The following ADGRL3 variants were observed in gnomAD, a reference collection of about 807,000 sequenced individuals.
ADGRL3 encodes adhesion G protein-coupled receptor L3.
A neutral mutation model predicts 153.5 loss-of-function variants in ADGRL3; 62 were observed. That is an observed-to-expected ratio of 0.40 (90% CI 0.33 to 0.50). ADGRL3 has a LOEUF of 0.50. ADGRL3 is among the 20% of genes least tolerant of loss of function. The probability of loss-of-function intolerance (pLI) is 0.47; values close to 1 mark genes in which losing one functional copy is unlikely to be tolerated. For missense variants in ADGRL3, 1,641 were observed against 1,859.4 expected (o/e 0.88, Z 2.16); for synonymous variants, 710 against 672.5 (o/e 1.06, Z -0.86).
intron 7 of ADGRL3, among the ~76,000 whole-genome samples, chr4:61,732,419 G>T (rs1246156636): frequency 1.3e-5 from 2 of 151,964 alleles, no homozygotes; most frequent in African/African-American, 2.4e-5. Flanking sequence ...GTAAACATTT[G>T]TATTTCTTAT....
chr4:61,489,033 A>C (rs2098228485), intron 2 of ADGRL3, among the ~76,000 whole-genome samples: 1 of 152,056 alleles, frequency 6.6e-6, no homozygotes, highest in Non-Finnish European at 1.5e-5. Context: ...ACTTTTAAAT[A>C]TAAATCCTTC....
In ADGRL3 at chr4:61,404,066, T is replaced by C. The variant is rs79995303; in HGVS notation, c.-174+20877T>C. On this transcript the variant is annotated intron_variant, in intron 2 of 26. Transcript: ENST00000683033. ...AGGGGATACCATTCAGTCTATAATATCTGTACTGTGCCAGGCTCTATGCTA... is the reference window on the plus strand; with the variant it reads ...AGGGGATACCATTCAGTCTATAATACCTGTACTGTGCCAGGCTCTATGCTA... Among the ~76,000 whole-genome samples the C allele has an allele frequency of 8.7e-3, 1,323 of 152,200 alleles. 18 individuals carry two copies. Among genetic ancestry groups the C allele is most frequent in the African/African-American group, 0.03 (1,245 of 41,552 alleles).
At position 62,071,086 on chromosome 4, in the gene ADGRL3, G is replaced by A; in HGVS notation, c.*178G>A. 1.8e-6 allele frequency: 1 copy of A among 551,272 alleles called. No homozygotes were observed. The highest frequency in any genetic ancestry group is 3.1e-6 in the Non-Finnish European group (1 of 317,868). 34.1% of individuals were successfully genotyped at this position (551,272 alleles called of 1,614,324 possible). On this transcript the variant is annotated 3_prime_UTR_variant, in exon 27 of 27. Coordinates refer to ENST00000683033, the MANE Select transcript of ADGRL3 (RefSeq NM_001387552.1). ...GGGATTTTTAGGTCAGCCCAGGGGA[G>A]AAAGATAACTGCTAAAATTCCCCTG...
chr4:61,764,293 A>T (rs1447326165), intron 8 of ADGRL3, among the ~76,000 whole-genome samples: 2 of 152,098 alleles, frequency 1.3e-5, no homozygotes, highest in Admixed American at 6.5e-5. Context: ...ACCTGGTTGC[A>T]GGCGGGCTGA....
At chr4:62,052,166 C>T (rs553428807) in intron 25 of ADGRL3, among the ~76,000 whole-genome samples, 2 of 151,440 alleles carry the variant, frequency 1.3e-5, no homozygotes, top group Non-Finnish European at 3.0e-5. Flanking sequence ...CATCTAGATG[C>T]CAAACAAGGT....
At chr4:61,545,824 TTC>T (rs780104800) in intron 4 of ADGRL3, among the ~76,000 whole-genome samples, 1 of 152,142 alleles carries the variant, frequency 6.6e-6, no homozygotes, top group African/African-American at 2.4e-5. Context: ...CTCTGTGTCT[TTC>T]TCTCTCTATG....
intron 21 of ADGRL3, among the ~76,000 whole-genome samples, chr4:62,021,514 G>A (rs937606315): frequency 6.6e-6 from 1 of 151,836 alleles, no homozygotes; most frequent in African/African-American, 2.4e-5. Context: ...TTGCATACAG[G>A]CATACCTCAT....
intron 9 of ADGRL3, among the ~76,000 whole-genome samples, chr4:61,829,610 A>G (rs1317640090): frequency 6.6e-6 from 1 of 152,252 alleles, no homozygotes; most frequent in Non-Finnish European, 1.5e-5. Context: ...GAGATCTGCT[A>G]TACAATAATG....
intron 5 of ADGRL3, among the ~76,000 whole-genome samples, chr4:61,602,273 C>T (rs891754569): frequency 2.0e-5 from 3 of 152,158 alleles, no homozygotes; most frequent in Admixed American, 2.0e-4. Flanking sequence ...CCAGAAAAAC[C>T]CACTTATCCT....
At chr4:61,531,129 A>C (rs2098610397) in intron 4 of ADGRL3, among the ~76,000 whole-genome samples, 1 of 152,234 alleles carries the variant, frequency 6.6e-6, no homozygotes, top group Admixed American at 6.5e-5. Flanking sequence ...TATTGTGATG[A>C]TTATATTGGC....
chr4:61,935,262 C>T lies in ADGRL3; in HGVS notation c.2296+239C>T, dbSNP rs2098833429. ...GGTTCAAAATTGAAAACATAGTAGC[C>T]TGAGATCACTTACAGTGAGGTTCGT... On this transcript the variant is annotated intron_variant, in intron 14 of 26. Transcript: ENST00000683033. 2.0e-5 allele frequency among the ~76,000 whole-genome samples: 3 copies of T among 152,004 alleles called. No individual in the cohort carries two copies. The South Asian group carries it at 6.2e-4, about 31-fold the overall frequency.
At chr4:61,461,044 TG>T (rs1420296906) in intron 2 of ADGRL3, among the ~76,000 whole-genome samples, 1 of 152,166 alleles carries the variant, frequency 6.6e-6, no homozygotes, top group Admixed American at 6.5e-5. Context: ...CACTCCAGCC[TG>T]GGTGACAGAG....
At chr4:61,701,843 T>C (rs1236723238) in intron 6 of ADGRL3, among the ~76,000 whole-genome samples, 1 of 152,068 alleles carries the variant, frequency 6.6e-6, no homozygotes, top group East Asian at 1.9e-4. Context: ...AGAATCATAT[T>C]TTGGGATATG....
At chr4:61,844,298 A>T (rs2098080224) in intron 9 of ADGRL3, among the ~76,000 whole-genome samples, 1 of 151,470 alleles carries the variant, frequency 6.6e-6, no homozygotes, top group African/African-American at 2.4e-5. Flanking sequence ...CTGTAATCCC[A>T]GCACTTTGGG....
chr4:61,947,987 C>G (rs914715643), intron 16 of ADGRL3, 113 bp from the exon 17 acceptor site: 6 of 779,320 alleles, frequency 7.7e-6, no homozygotes, highest in Non-Finnish European at 1.2e-5. Context: ...TGGTAGACAT[C>G]TCTAAAAAAT....
intron 8 of ADGRL3, among the ~76,000 whole-genome samples, chr4:61,782,821 G>T (rs890068461): frequency 6.6e-6 from 1 of 152,254 alleles, no homozygotes; most frequent in Middle Eastern, 3.4e-3. Context: ...GAGCTTTCTA[G>T]CCCAGAAATA....
intron 2 of ADGRL3, among the ~76,000 whole-genome samples, chr4:61,473,323 T>A (rs2097993056): frequency 6.6e-6 from 1 of 152,018 alleles, no homozygotes; most frequent in African/African-American, 2.4e-5. Context: ...AAAGCCCTCG[T>A]GTTATTCACT....
intron 8 of ADGRL3, among the ~76,000 whole-genome samples, chr4:61,746,203 A>T (rs1053804685): frequency 2.0e-5 from 3 of 152,208 alleles, no homozygotes; most frequent in Admixed American, 2.0e-4. Context: ...CCAGACTCAT[A>T]AAGCAAGTCC....
intron 4 of ADGRL3, among the ~76,000 whole-genome samples, chr4:61,530,023 G>C (rs958263250): frequency 2.0e-5 from 3 of 152,066 alleles, no homozygotes; most frequent in Admixed American, 2.0e-4. Flanking sequence ...AGTTGGCAGG[G>C]AATACTAGTT....
Sources: allele counts gnomAD v4.1 joint callset (sites outside exome capture counted in the v4.1 genomes callset), GRCh38; gene constraint gnomAD v4.1.1; transcripts MANE v1.5; gene names NCBI Gene and HGNC (gene_info 2026-07-23, HGNC 2026-07-21).